Variants in FGF12 observed in about 807,000 individuals in gnomAD.
FGF12 encodes fibroblast growth factor 12B.
A neutral mutation model predicts 23.6 loss-of-function variants in FGF12; 14 were observed. The observed-to-expected ratio is 0.59, with a 90% CI of 0.39 to 0.93. The LOEUF (loss-of-function observed/expected upper bound fraction) is 0.93, where lower values mean the gene tolerates loss of function less well. Among genes scored for constraint, FGF12 ranks in the 40% least tolerant of loss-of-function variants. The probability of loss-of-function intolerance (pLI) is 0.00; values close to 1 mark genes in which losing one functional copy is unlikely to be tolerated. For missense variants in FGF12, 175 were observed against 217.8 expected, an observed-to-expected ratio of 0.80 and a Z score of 1.24; for synonymous variants, 62 against 77.3, an observed-to-expected ratio of 0.80 and a Z score of 1.04.
intron 2 of FGF12, among the ~76,000 whole-genome samples, chr3:192,620,843 T>C (rs1404330787): frequency 6.6e-6 from 1 of 152,148 alleles, no homozygotes; most frequent in Non-Finnish European, 1.5e-5. Context: ...AAGCCTATCA[T>C]GGCAGCTCAC....
intron 2 of FGF12, among the ~76,000 whole-genome samples, chr3:192,615,142 G>C (rs1714708450): frequency 6.6e-6 from 1 of 151,894 alleles, no homozygotes; most frequent in African/African-American, 2.4e-5. Flanking sequence ...GGAGTTTACA[G>C]TATTGATTTT....
At chr3:192,412,011 G>A (rs188035612) in intron 2 of FGF12, among the ~76,000 whole-genome samples, 3 of 152,000 alleles carry the variant, frequency 2.0e-5, no homozygotes, top group Admixed American at 2.0e-4. Flanking sequence ...TTGTTAACAT[G>A]CTGATTCCTG....
At chr3:192,308,081 T>C (rs1467790014) in intron 4 of FGF12, among the ~76,000 whole-genome samples, 4 of 152,226 alleles carry the variant, frequency 2.6e-5, no homozygotes, top group African/African-American at 9.6e-5. Flanking sequence ...TCCATACTTA[T>C]ATTTTAAATT....
At chr3:192,300,706 G>A (rs1018429256) in intron 4 of FGF12, among the ~76,000 whole-genome samples, 2 of 151,964 alleles carry the variant, frequency 1.3e-5, no homozygotes, top group Non-Finnish European at 2.9e-5. Flanking sequence ...TTGATCCATG[G>A]CACAAAACGG....
At chr3:192,638,906 G>A (rs964598340) in intron 2 of FGF12, among the ~76,000 whole-genome samples, 3 of 152,124 alleles carry the variant, frequency 2.0e-5, no homozygotes, top group Non-Finnish European at 4.4e-5. Flanking sequence ...AGAAACTTCC[G>A]AACCAAGGCA....
chr3:192,190,468 C>CTTTTTTTTTTTTTTTTTTTTTTT (rs34108891), intron 4 of FGF12, among the ~76,000 whole-genome samples: 2 of 89,134 alleles, frequency 2.2e-5, no homozygotes, highest in Non-Finnish European at 4.1e-5. Context: ...GCCCAATACT[C>CTTTTTTTTTTTTTTTTTTTTTTT]TTTTTTTTTT....
intron 2 of FGF12, among the ~76,000 whole-genome samples, chr3:192,447,438 C>G (rs1033629371): frequency 6.6e-6 from 1 of 151,990 alleles, no homozygotes; most frequent in African/African-American, 2.4e-5. Flanking sequence ...AGTGTTTATA[C>G]GTTTATTGCA....
chr3:192,225,796 A>T (rs1385177987), intron 4 of FGF12, among the ~76,000 whole-genome samples: 1 of 152,214 alleles, frequency 6.6e-6, no homozygotes, highest in Non-Finnish European at 1.5e-5. Context: ...ACACGTGGAC[A>T]CATGTTATAA....
chr3:192,393,900 TG>T (rs1325975623), intron 2 of FGF12, among the ~76,000 whole-genome samples: 2 of 152,188 alleles, frequency 1.3e-5, no homozygotes, highest in Non-Finnish European at 2.9e-5. Flanking sequence ...GAAGTCCTGG[TG>T]GAAAACATAT....
intron 2 of FGF12, among the ~76,000 whole-genome samples, chr3:192,361,518 T>C (rs950288337): frequency 1.3e-5 from 2 of 152,186 alleles, no homozygotes; most frequent in Non-Finnish European, 2.9e-5. Context: ...ATGGAAATCA[T>C]ATGATTGCTG....
At chr3:192,346,037 A>T (rs1717944168) in intron 3 of FGF12, among the ~76,000 whole-genome samples, 1 of 108,644 alleles carries the variant, frequency 9.2e-6, no homozygotes, top group South Asian at 2.9e-4. Flanking sequence ...TTTTTTTAGA[A>T]ATTAGGGATA....
At chr3:192,583,988 T>TAGG (rs1317776484) in intron 2 of FGF12, among the ~76,000 whole-genome samples, 1 of 152,176 alleles carries the variant, frequency 6.6e-6, no homozygotes, top group African/African-American at 2.4e-5. Flanking sequence ...TAGAAATACA[T>TAGG]AGGAACATCA....
intron 4 of FGF12, among the ~76,000 whole-genome samples, chr3:192,184,338 A>G (rs1199443539): frequency 6.6e-6 from 1 of 152,202 alleles, no homozygotes; most frequent in Non-Finnish European, 1.5e-5. Context: ...TACCGATTAG[A>G]GTGAATTCTC....
At chr3:192,334,308 T>C (rs1265638776) in intron 4 of FGF12, among the ~76,000 whole-genome samples, 2 of 152,106 alleles carry the variant, frequency 1.3e-5, no homozygotes, top group Non-Finnish European at 2.9e-5. Flanking sequence ...AGCTCCAAGG[T>C]ACCAGAGTTT....
intron 4 of FGF12, among the ~76,000 whole-genome samples, chr3:192,233,886 T>C (rs1452463617): frequency 6.6e-6 from 1 of 152,104 alleles, no homozygotes; most frequent in Non-Finnish European, 1.5e-5. Context: ...GGTTATCTAA[T>C]ATTGGTCTAT....
intron 4 of FGF12, among the ~76,000 whole-genome samples, chr3:192,265,096 A>G (rs1412559166): frequency 2.6e-5 from 4 of 152,192 alleles, no homozygotes; most frequent in Non-Finnish European, 5.9e-5. Flanking sequence ...AGAAAACATA[A>G]AAAGCCCTTG....
rs79045753 is a variant in FGF12 at position 192,337,541 on chromosome 3, G to A, written c.125-2077C>T. ...GACTTTACCAAATAGGCAACAAGAC[G>A]TGTGACATATGAAAACTAGAGCAAC... On this transcript the variant is annotated intron_variant, in intron 3 of 5. Transcript: ENST00000445105. Among the ~76,000 whole-genome samples the A allele has an allele frequency of 6.7e-3, 1,026 of 152,260 alleles. 10 individuals carry two copies. Among genetic ancestry groups the A allele is most frequent in the African/African-American group, 0.023 (973 of 41,552 alleles).
At chr3:192,601,275 C>T (rs1190248980) in intron 2 of FGF12, among the ~76,000 whole-genome samples, 2 of 152,008 alleles carry the variant, frequency 1.3e-5, no homozygotes, top group Non-Finnish European at 2.9e-5. Flanking sequence ...ACAGAGAATA[C>T]TATAGGCTGG....
intron 4 of FGF12, among the ~76,000 whole-genome samples, chr3:192,292,240 T>C (rs182944154): frequency 2.0e-5 from 3 of 152,330 alleles, no homozygotes; most frequent in Admixed American, 6.5e-5. Flanking sequence ...TGGTTTCTTT[T>C]CAAATGCTTT....
Sources: gnomAD v4.1 joint callset for allele counts (sites outside exome capture counted in the v4.1 genomes callset) on GRCh38, gnomAD v4.1.1 for gene constraint, MANE v1.5 for transcripts, NCBI Gene and HGNC (gene_info 2026-07-23, HGNC 2026-07-21) for gene names.